Variants in MIER2 observed in about 807,000 individuals in gnomAD.
MIER2 encodes MIER family member 2.
MIER2 carries 30 observed loss-of-function variants against 67.6 expected under a neutral mutation model. That is an observed-to-expected ratio of 0.44 (90% CI 0.33 to 0.60). MIER2 has a LOEUF of 0.60. Among genes scored for constraint, MIER2 ranks in the 20% least tolerant of loss-of-function variants. The probability of loss-of-function intolerance (pLI) is 0.02; values close to 1 mark genes in which losing one functional copy is unlikely to be tolerated. For synonymous variants in MIER2, 372 were observed against 312.6 expected, an observed-to-expected ratio of 1.19 and a Z score of -2.00; for missense variants, 702 against 745.1, an observed-to-expected ratio of 0.94 and a Z score of 0.67.
At chr19:331,230 C>T (rs1972006691) in intron 3 of MIER2, among the ~76,000 whole-genome samples, 1 of 151,872 alleles carries the variant, frequency 6.6e-6, no homozygotes, top group Admixed American at 6.6e-5. Context: ...TGGTGGTGGG[C>T]ACCTGTAGTC....
At chr19:337,868 C>CAAAA (rs1418469284) in intron 1 of MIER2, among the ~76,000 whole-genome samples, 1 of 16,712 alleles carries the variant, frequency 6.0e-5, no homozygotes, top group Non-Finnish European at 9.6e-5. Flanking sequence ...GACTCCATCT[C>CAAAA]ACAAAAAAAA....
At chr19:331,896 A>G (rs111696371) in intron 3 of MIER2, among the ~76,000 whole-genome samples, 25,059 of 150,736 alleles carry the variant, frequency 0.17, 2,827 homozygotes, top group African/African-American at 0.31. Context: ...TAGGAGAATC[A>G]CTTGAGCCCA....
chr19:316,572 G>A (rs186397887), intron 7 of MIER2, among the ~76,000 whole-genome samples: 1 of 152,344 alleles, frequency 6.6e-6, no homozygotes, highest in Non-Finnish European at 1.5e-5. Flanking sequence ...TTATAGGCAT[G>A]AGCCACCACA....
At chr19:339,992 C>T (rs1232043916) in intron 1 of MIER2, among the ~76,000 whole-genome samples, 2 of 151,888 alleles carry the variant, frequency 1.3e-5, no homozygotes, top group South Asian at 2.1e-4. Flanking sequence ...CTCGGGAAAG[C>T]TGCTGCCAAA....
intron 7 of MIER2, among the ~76,000 whole-genome samples, chr19:320,274 G>C (rs961551248): frequency 6.6e-6 from 1 of 151,974 alleles, no homozygotes; most frequent in African/African-American, 2.4e-5. Context: ...CCAGCTACTC[G>C]GGAGACTGCA....
chr19:334,421 C>T lies in MIER2; in HGVS notation c.222G>A (p.Leu74=), dbSNP rs761460269. ...GTACCTGGGAGATGAAGTCCTTCTC[C>T]AGCTCCTCCTTGGGCTTGTCTGGGC... ...SRCPDKPKEE[L]EKDFISQSND... Residue 74 remains leucine (L), a synonymous_variant, in exon 3 of 14, where the codon CTG becomes CTA. Coordinates refer to ENST00000264819, the MANE Select transcript of MIER2 (RefSeq NM_017550.3). 38 of 1,614,094 alleles carry T rather than the reference C, an allele frequency of 2.4e-5. No homozygotes were observed. In the East Asian group the frequency reaches 5.1e-4, roughly 22 times the overall value.
At chr19:310,840 A>G (rs2145356360) in intron 10 of MIER2, among the ~76,000 whole-genome samples, 1 of 151,032 alleles carries the variant, frequency 6.6e-6, no homozygotes, top group East Asian at 2.0e-4. Flanking sequence ...GTCCAGAAAC[A>G]CGGCCCACAA....
In MIER2 at chr19:333,186, C is replaced by T. The variant is rs1321891886; in HGVS notation, c.243+1214G>A. On this transcript the variant is annotated intron_variant, in intron 3 of 13. Transcript: ENST00000264819. ...TTTGTTTTTGTATTTTTAGTAGAGA[C>T]GGGGTTTCACCATGTTGGCCAGCCT... is the stretch of plus-strand genomic sequence containing the variant. Among the ~76,000 whole-genome samples the T allele has an allele frequency of 3.0e-5, 3 of 101,352 alleles. 1 individual carries two copies. Among genetic ancestry groups the T allele is most frequent in the Non-Finnish European group, 5.6e-5 (3 of 53,860 alleles). 66.5% of individuals were successfully genotyped at this position (101,352 alleles called of 152,430 possible). A position where few individuals can be genotyped will look rare whatever the true frequency, so the allele number is the denominator to read the frequency against.
At chr19:326,991 G>T in intron 5 of MIER2, 142 bp downstream of exon 5, 1 of 1,193,286 alleles carries the variant, frequency 8.4e-7, no homozygotes, top group Non-Finnish European at 1.2e-6. Flanking sequence ...CACCCCCAGG[G>T]CTACTGACGC....
chr19:329,663 C>G (rs1218149623), intron 3 of MIER2, among the ~76,000 whole-genome samples: 1 of 151,968 alleles, frequency 6.6e-6, no homozygotes, highest in Admixed American at 6.6e-5. Context: ...CTGAGGCAGG[C>G]GGATCACGAG....
rs995088400 is a variant in MIER2, at chr19:324,256, C to T, written c.655+1379G>A. 2.2e-5 allele frequency among the ~76,000 whole-genome samples: 3 copies of T among 135,578 alleles called. 1 individual carries two copies. The highest frequency in any genetic ancestry group is 9.1e-5 in the African/African-American group (3 of 32,966). The allele number at this position is 135,578 out of a possible 152,430, so 88.9% of individuals were successfully genotyped here. On this transcript the variant is annotated intron_variant, in intron 7 of 13. Transcript: ENST00000264819. The stretch of plus-strand genomic sequence containing the variant: ...AATACACAAGACACACACAACCACG[C>T]AGACAACTCGAATGACACAGGTGTC...
At position 307,204 on chromosome 19, in the gene MIER2, G is replaced by A; in HGVS notation, c.1531C>T (p.Leu511Phe). 6.3e-7 allele frequency: 1 copy of A among 1,591,690 alleles called. No individual in the cohort carries two copies. The highest frequency in any genetic ancestry group is 8.6e-7 in the Non-Finnish European group (1 of 1,169,402). ...QVALSVTEFGLIGIGDVNPFL... is the reference protein window; with the variant it reads ...QVALSVTEFGFIGIGDVNPFL... ...GGGTTCACGTCCCCAATGCCGATGA[G>A]TCCAAACTCGGTGACCGACAAAGCC... Residue 511 changes from leucine (L) to phenylalanine (F), a missense_variant, in exon 13 of 14, where the codon CTC (leucine) becomes TTC (phenylalanine). By Grantham distance (22) the Leu-to-Phe change is conservative. Transcript: ENST00000264819.
At chr19:332,398 G>T (rs993285732) in intron 3 of MIER2, among the ~76,000 whole-genome samples, 1 of 152,078 alleles carries the variant, frequency 6.6e-6, no homozygotes, top group African/African-American at 2.4e-5. Flanking sequence ...CGCCTCCTGG[G>T]TTCAAGCGAT....
At chr19:314,779 A>G (rs1971163189) in intron 7 of MIER2, among the ~76,000 whole-genome samples, 1 of 152,108 alleles carries the variant, frequency 6.6e-6, no homozygotes, top group Admixed American at 6.5e-5. Flanking sequence ...TAGCATGTGA[A>G]GGGTGGGAAA....
intron 7 of MIER2, among the ~76,000 whole-genome samples, chr19:320,300 G>A (rs1430036655): frequency 1.3e-5 from 2 of 152,026 alleles, no homozygotes; most frequent in East Asian, 3.9e-4. Context: ...AGAATCACTT[G>A]AGCCCGGGAG....
Position 313,663 on chromosome 19 carries a change from AG to A in MIER2, c.656-21del, listed in dbSNP as rs568275070. The A allele has an allele frequency of 6.2e-7, 1 of 1,604,048 alleles. No homozygotes were observed. Among genetic ancestry groups the A allele is most frequent in the South Asian group, 1.1e-5 (1 of 90,820 alleles). On this transcript the variant is annotated intron_variant, in intron 7 of 13. Transcript: ENST00000264819. ...CGTAGACTGCACAAGCAGAGGGCAA[AG>A]GTCAGCTTGCAGGAACCCAATCTGC...
Position 306,317 on chromosome 19 carries a change from C to T in MIER2, c.*373G>A, listed in dbSNP as rs946300481. On this transcript the variant is annotated 3_prime_UTR_variant, in exon 14 of 14. Coordinates refer to ENST00000264819, the MANE Select transcript of MIER2 (RefSeq NM_017550.3). ...CAGGGCGTCCTGCCCGTCTCCCCGC[C>T]GGGGCAGTGACGCCTTCCCTCGCCT... 3.3e-5 allele frequency: 10 copies of T among 299,510 alleles called. No homozygotes were observed. The highest frequency in any genetic ancestry group is 6.7e-5 in the South Asian group (1 of 15,036). The allele number at this position is 299,510 out of a possible 1,614,324, so 18.6% of individuals were successfully genotyped here.
intron 3 of MIER2, among the ~76,000 whole-genome samples, chr19:333,145 A>T (rs1308355455): frequency 2.0e-5 from 2 of 98,256 alleles, no homozygotes; most frequent in Non-Finnish European, 3.8e-5. Flanking sequence ...GTCACCCGCC[A>T]CTATGCCCGG....
At chr19:327,007 G>T in intron 5 of MIER2, 126 bp downstream of exon 5, 2 of 1,353,280 alleles carry the variant, frequency 1.5e-6, no homozygotes, top group South Asian at 1.5e-5. Context: ...GACGCTTCCC[G>T]CCAGGCAGAC....
Sources: allele counts gnomAD v4.1 joint callset (sites outside exome capture counted in the v4.1 genomes callset), GRCh38; gene constraint gnomAD v4.1.1; transcripts MANE v1.5; gene names NCBI Gene and HGNC (gene_info 2026-07-23, HGNC 2026-07-21).